The following CCDC66 variants were observed in gnomAD, a reference collection of about 807,000 sequenced individuals.
CCDC66 encodes coiled-coil domain containing 66, also known as coiled-coil domain-containing protein 66.
In CCDC66, 133 loss-of-function variants were observed where a neutral mutation model predicts 128.3. The observed-to-expected ratio is 1.04, with a 90% CI of 0.90 to 1.20. The LOEUF is 1.20. Ranked by LOEUF, CCDC66 falls within the 50% of genes most tolerant of loss-of-function variation. CCDC66 has a pLI of 0.00. For synonymous variants in CCDC66, 387 were observed against 357.0 expected (o/e 1.08, Z -0.95); for missense variants, 1,126 against 1,075.5 (o/e 1.05, Z -0.66).
At position 56,615,925 on chromosome 3, in the gene CCDC66, A is replaced by G. The variant is rs758935083; in HGVS notation, c.1715A>G (p.Asp572Gly). The G allele has an allele frequency of 2.5e-6, 4 of 1,592,066 alleles. No individual in the cohort carries two copies. The highest frequency in any genetic ancestry group is 3.4e-6 in the Non-Finnish European group (4 of 1,168,798). The change falls in exon 13 of 18, where the codon GAT becomes GGT. Residue 572 changes from aspartate to glycine, a missense_variant. Physicochemically the swap from Asp to Gly is moderately conservative, Grantham distance 94 (BLOSUM62 -1). Coordinates refer to ENST00000394672, the MANE Select transcript of CCDC66 (RefSeq NM_001141947.3). The part of the protein sequence containing the change: ...TSRLIKNLGV[D>G]TIQMEYNASN... ...TCAGGTGATTTCTCTTTGCCAGTTG[A>G]TACAATACAAATGGAATATAATGCA... is the stretch of plus-strand genomic sequence containing the variant.
intron 17 of CCDC66, 111 bp from the exon 18 acceptor site, chr3:56,621,421 A>AATT: frequency 2.7e-6 from 2 of 753,412 alleles, no homozygotes; most frequent in South Asian, 5.3e-5. Context: ...TGAATGACAA[A>AATT]ATTTTATCCT....
intron 6 of CCDC66, among the ~76,000 whole-genome samples, chr3:56,568,187 A>G (rs923912642): frequency 1.2e-4 from 19 of 152,174 alleles, no homozygotes; most frequent in Admixed American, 3.3e-4. Flanking sequence ...CCCACAAAAG[A>G]CAGCTTTGCA....
intron 10 of CCDC66, among the ~76,000 whole-genome samples, chr3:56,596,602 T>C (rs374271960): frequency 2.6e-5 from 4 of 152,078 alleles, no homozygotes; most frequent in African/African-American, 9.7e-5. Context: ...AGAAGATTTT[T>C]AGTTCAATGT....
At chr3:56,617,014 T>A in intron 13 of CCDC66, 98 bp from the exon 14 acceptor site, 1 of 981,514 alleles carries the variant, frequency 1.0e-6, no homozygotes. Flanking sequence ...AAGAAAAAAG[T>A]CTTAGAGGGC....
chr3:56,585,871 G>A (rs1279564956), intron 7 of CCDC66, among the ~76,000 whole-genome samples: 3 of 151,780 alleles, frequency 2.0e-5, no homozygotes, highest in Admixed American at 6.6e-5. Context: ...AGAAAAATGG[G>A]TCAAAATTAA....
rs557790653 is a variant in CCDC66 at position 56,575,823 on chromosome 3, GT to G, written c.936+4523del. ...ACATCTAGTTTTTCCTAGCACCATT[GT>G]TGAAGAATGTCCTTTCCCCATTGAA... On this transcript the variant is annotated intron_variant, in intron 7 of 17. Transcript: ENST00000394672. Among the ~76,000 whole-genome samples, 255 of 151,856 alleles carry G rather than the reference GT, an allele frequency of 1.7e-3. 4 individuals are homozygous for G. Among genetic ancestry groups the G allele is most frequent in the Middle Eastern group, 6.8e-3 (2 of 294 alleles).
intron 7 of CCDC66, among the ~76,000 whole-genome samples, chr3:56,582,240 G>A (rs2068521418): frequency 6.6e-6 from 1 of 151,908 alleles, no homozygotes; most frequent in South Asian, 2.1e-4. Context: ...CTCCTGATGT[G>A]CCATTTGCTA....
At chr3:56,583,945 G>A (rs1388328697) in intron 7 of CCDC66, among the ~76,000 whole-genome samples, 6 of 90,450 alleles carry the variant, frequency 6.6e-5, no homozygotes, top group Non-Finnish European at 1.3e-4. Context: ...CCTCCCTCCC[G>A]GACGGGGCGG....
At chr3:56,611,845 CTT>C (rs965523310) in intron 10 of CCDC66, among the ~76,000 whole-genome samples, 14 of 152,314 alleles carry the variant, frequency 9.2e-5, no homozygotes, top group Admixed American at 5.9e-4. Flanking sequence ...CCCGCAAAGA[CTT>C]TCAGCTTCTC....
intron 7 of CCDC66, among the ~76,000 whole-genome samples, chr3:56,577,010 T>C (rs1175873689): frequency 6.6e-6 from 1 of 151,910 alleles, no homozygotes; most frequent in Non-Finnish European, 1.5e-5. Context: ...TCTTCTACAA[T>C]GGCTGAACTA....
At chr3:56,584,493 G>A (rs530504659) in intron 7 of CCDC66, among the ~76,000 whole-genome samples, 51 of 150,918 alleles carry the variant, frequency 3.4e-4, no homozygotes, top group Non-Finnish European at 5.6e-4. Flanking sequence ...CATCCCAGAC[G>A]GGGCGGCAGG....
In CCDC66 at chr3:56,597,776, G is replaced by GGTTTTTTTTTTTGGTTTTTTTT. The variant is rs1553696328; in HGVS notation, c.1404+3760_1404+3761insGGTTTTTTTTGTTTTTTTTTTT. Among the ~76,000 whole-genome samples, 34 of 61,870 alleles carry GGTTTTTTTTTTTGGTTTTTTTT rather than the reference G, an allele frequency of 5.5e-4. 5 individuals carry two copies. The highest frequency in any genetic ancestry group is 2.5e-3 in the African/African-American group (34 of 13,832). 40.6% of individuals were successfully genotyped at this position (61,870 alleles called of 152,430 possible). A position where few individuals can be genotyped will look rare whatever the true frequency, so the allele number is the denominator to read the frequency against. On this transcript the variant is annotated intron_variant, in intron 10 of 17. Transcript: ENST00000394672. ...TTGTGGAGTCTAGGTTTTGTTTTGG[G>GGTTTTTTTTTTTGGTTTTTTTT]GTTTTTTTTTTTTTTTGAGACAGAG...
Position 56,618,157 on chromosome 3 carries a change from C to G in CCDC66, c.2338-15C>G. The G allele has an allele frequency of 1.9e-6, 3 of 1,599,074 alleles. No homozygotes were observed. The highest frequency in any genetic ancestry group is 2.6e-6 in the Non-Finnish European group (3 of 1,166,762). On this transcript the variant is annotated splice_polypyrimidine_tract_variant and intron_variant, in intron 14 of 17. Transcript: ENST00000394672. ...GCTATATATTCCTTTCTGCATTTAT[C>G]TATCCATATTTTAGGAAGAAGAGCC...
Position 56,619,860 on chromosome 3 carries a change from C to A in CCDC66, c.2719C>A (p.Arg907=), listed in dbSNP as rs374852204. 3 of 1,613,958 alleles carry A rather than the reference C, an allele frequency of 1.9e-6. No homozygotes were observed. The highest frequency in any genetic ancestry group is 1.3e-5 in the African/African-American group (1 of 75,006). The change falls in exon 17 of 18, where the codon CGA becomes AGA. Residue 907 remains arginine (R), a synonymous_variant. Transcript: ENST00000394672. ...TCCTAACATGGTGAAAAATAGGGAT[C>A]GACAGCAAGCAATCCTTAAGGGACT... ...LNPNMVKNRD[R]QQAILKGLSE... is the part of the protein sequence containing the mutation.
At chr3:56,604,679 G>A (rs2073801381) in intron 10 of CCDC66, among the ~76,000 whole-genome samples, 1 of 151,738 alleles carries the variant, frequency 6.6e-6, no homozygotes, top group Admixed American at 6.6e-5. Context: ...TCCCTTTGTG[G>A]GTAACCCGAC....
chr3:56,599,772 TTTG>T (rs2072810866), intron 10 of CCDC66, among the ~76,000 whole-genome samples: 7 of 152,114 alleles, frequency 4.6e-5, no homozygotes, highest in Admixed American at 4.6e-4. Flanking sequence ...TTTTTTAAAG[TTTG>T]TTAAGATTTG....
At chr3:56,610,682 C>G (rs2074672155) in intron 10 of CCDC66, among the ~76,000 whole-genome samples, 1 of 152,088 alleles carries the variant, frequency 6.6e-6, no homozygotes, top group African/African-American at 2.4e-5. Context: ...TTTCTGGTTC[C>G]TTCTTATTTG....
chr3:56,577,264 G>C (rs1039577360), intron 7 of CCDC66, among the ~76,000 whole-genome samples: 1 of 151,710 alleles, frequency 6.6e-6, no homozygotes, highest in Non-Finnish European at 1.5e-5. Flanking sequence ...CTTTTTGATG[G>C]AGTTGTTTGA....
intron 17 of CCDC66, 23 bp downstream of exon 17, chr3:56,619,924 A>C (rs767045823): frequency 2.5e-6 from 4 of 1,610,714 alleles, no homozygotes; most frequent in South Asian, 1.1e-5. Context: ...TCAAGTGTAG[A>C]TATGTCTGTT....
Sources: gnomAD v4.1 joint callset for allele counts (sites outside exome capture counted in the v4.1 genomes callset) on GRCh38, gnomAD v4.1.1 for gene constraint, MANE v1.5 for transcripts, NCBI Gene and HGNC (gene_info 2026-07-23, HGNC 2026-07-21) for gene names.